The following DRD3 variants were observed in gnomAD, a reference collection of about 807,000 sequenced individuals.
The protein encoded by DRD3 is dopamine receptor D3, also known as D(3) dopamine receptor.
In DRD3, 19 loss-of-function variants were observed where a neutral mutation model predicts 36.3. The ratio of observed to expected loss-of-function variants is 0.52; its 90% CI spans 0.36 to 0.77. The LOEUF is 0.77. Among genes scored for constraint, DRD3 ranks in the 30% least tolerant of loss-of-function variants. DRD3 has a pLI of 0.00. For synonymous variants in DRD3, 195 were observed against 203.7 expected, an observed-to-expected ratio of 0.96 and a Z score of 0.36; for missense variants, 465 against 505.3, an observed-to-expected ratio of 0.92 and a Z score of 0.77.
intron 1 of DRD3, among the ~76,000 whole-genome samples, chr3:114,194,307 G>C (rs1004204049): frequency 6.6e-6 from 1 of 152,088 alleles, no homozygotes; most frequent in Admixed American, 6.6e-5. Flanking sequence ...TTTTGAGACA[G>C]AGTCTCAGTC....
At chr3:114,176,341 T>C (rs1003759083) in intron 1 of DRD3, 50 of 152,366 alleles carry the variant, frequency 3.3e-4, no homozygotes, top group African/African-American at 1.2e-3. Flanking sequence ...CTCATTCCTG[T>C]AATCCCAGCA....
chr3:114,128,726 A>T lies in DRD3; in HGVS notation c.1193T>A (p.Leu398Gln), dbSNP rs1475798401. 1 of 1,599,652 alleles carries T rather than the reference A, an allele frequency of 6.3e-7. No homozygotes were observed. The highest frequency in any genetic ancestry group is 1.1e-5 in the South Asian group (1 of 88,802). ...IEFRKAFLKI[L>Q]SC ...CCCTCTTCTGCTCCCTCAGCAAGAC[A>T]GGATCTTGAGGAAGGCTTTCCGGAA... Residue 398 changes from leucine to glutamine, a missense_variant, in exon 7 of 7, where the codon CTG (leucine) becomes CAG (glutamine). By Grantham distance (113) the Leu-to-Gln change is moderately radical. Coordinates refer to ENST00000383673, the MANE Select transcript of DRD3 (RefSeq NM_000796.6).
intron 5 of DRD3, among the ~76,000 whole-genome samples, chr3:114,137,266 T>C (rs1238719696): frequency 6.6e-6 from 1 of 152,192 alleles, no homozygotes; most frequent in Non-Finnish European, 1.5e-5. Context: ...GTGATGGAAA[T>C]CAGGCCCTTA....
chr3:114,181,411 T>G (rs1341368878), upstream of DRD3, among the ~76,000 whole-genome samples: 8 of 151,896 alleles, frequency 5.3e-5, no homozygotes, highest in Admixed American at 1.3e-4. Context: ...TAGGTGAAGA[T>G]TAGCAATTGC....
At chr3:114,194,728 T>A (rs918729855) in intron 1 of DRD3, among the ~76,000 whole-genome samples, 2 of 152,204 alleles carry the variant, frequency 1.3e-5, no homozygotes, top group African/African-American at 4.8e-5. Flanking sequence ...CCTTTTTCTG[T>A]TACTCTGAAG....
chr3:114,139,786 C>CAG, intron 4 of DRD3, 90 bp from the exon 5 acceptor site: 1 of 1,253,610 alleles, frequency 8.0e-7, no homozygotes, highest in Non-Finnish European at 1.1e-6. Context: ...ACGTGTGGTG[C>CAG]CTGCACTTTC....
At position 114,131,351 on chromosome 3, in the gene DRD3, A is replaced by T; in HGVS notation, c.773T>A (p.Ile258Asn). Reference sequence around the variant, plus strand: ...TCCACCCAAGGCAGTGTCCTGGCAGATGCTGTAGTAACGCTTCAGCTCCAG... The same window carrying T: ...TCCACCCAAGGCAGTGTCCTGGCAGTTGCTGTAGTAACGCTTCAGCTCCAG... Reference protein sequence around the residue: ...AHLELKRYYSICQDTALGGPG... With the variant: ...AHLELKRYYSNCQDTALGGPG... Residue 258 changes from isoleucine (I) to asparagine (N), a missense_variant, in exon 6 of 7, where the codon ATC (isoleucine) becomes AAC (asparagine). Physicochemically the swap from Ile to Asn is moderately radical, Grantham distance 149. Coordinates refer to ENST00000383673, the MANE Select transcript of DRD3 (RefSeq NM_000796.6). 1 of 1,614,196 alleles carries T rather than the reference A, an allele frequency of 6.2e-7. No homozygotes were observed. The highest frequency in any genetic ancestry group is 8.5e-7 in the Non-Finnish European group (1 of 1,180,030).
chr3:114,145,416 A>G lies in DRD3; in HGVS notation c.526+1999T>C, dbSNP rs1366489471. Among the ~76,000 whole-genome samples the G allele has an allele frequency of 3.3e-5, 5 of 152,370 alleles. No individual in the cohort carries two copies. The East Asian group carries it at 7.7e-4, about 23-fold the overall frequency. The stretch of plus-strand genomic sequence containing the variant: ...TATAAAGTGTCATTCAGTTAAAATA[A>G]CAAAGTAATGAAAGGTAAACAGTAA... On this transcript the variant is annotated intron_variant, in intron 4 of 6. Coordinates refer to ENST00000383673, the MANE Select transcript of DRD3 (RefSeq NM_000796.6).
chr3:114,148,724 T>G (rs1298064415), intron 3 of DRD3, among the ~76,000 whole-genome samples: 1 of 152,176 alleles, frequency 6.6e-6, no homozygotes, highest in Non-Finnish European at 1.5e-5. Context: ...ATTTATTTAT[T>G]TATTTTGAGA....
At chr3:114,159,482 A>C (rs1232618435) in intron 3 of DRD3, among the ~76,000 whole-genome samples, 1 of 152,032 alleles carries the variant, frequency 6.6e-6, no homozygotes, top group Non-Finnish European at 1.5e-5. Context: ...AGAAAAAAAA[A>C]ACCCCAAAGG....
chr3:114,186,871 C>G (rs1310838409), intron 1 of DRD3, among the ~76,000 whole-genome samples: 1 of 152,182 alleles, frequency 6.6e-6, no homozygotes, highest in African/African-American at 2.4e-5. Context: ...GAAATCATCC[C>G]CTTTTTTCCA....
intron 1 of DRD3, among the ~76,000 whole-genome samples, chr3:114,174,895 A>C (rs2077882965): frequency 6.6e-6 from 1 of 152,048 alleles, no homozygotes; most frequent in Non-Finnish European, 1.5e-5. Flanking sequence ...GAATTCATTA[A>C]CTCAATCACT....
intron 1 of DRD3, among the ~76,000 whole-genome samples, chr3:114,184,405 G>A (rs912562773): frequency 3.9e-5 from 6 of 152,110 alleles, no homozygotes; most frequent in Admixed American, 3.9e-4. Flanking sequence ...TTACAATAAT[G>A]TTAGCTTTTA....
At chr3:114,151,186 G>T (rs1404925471) in intron 3 of DRD3, among the ~76,000 whole-genome samples, 1 of 152,140 alleles carries the variant, frequency 6.6e-6, no homozygotes, top group Admixed American at 6.6e-5. Context: ...CTCTGCCGGG[G>T]GCTTCTAGTA....
chr3:114,147,466 C>T lies in DRD3; in HGVS notation c.475G>A (p.Val159Ile). Residue 159 changes from valine (V) to isoleucine (I), a missense_variant, in exon 4 of 7, where the codon GTA becomes ATA. Coordinates refer to ENST00000383673, the MANE Select transcript of DRD3 (RefSeq NM_000796.6). ...GGGCAGGACACAGCAAAGGCCAGTA[C>T]CCAGACGGCCGTGATCATGAGGGCC... ...RVALMITAVWVLAFAVSCPLL... is the reference protein window; with the variant it reads ...RVALMITAVWILAFAVSCPLL... 1 of 1,613,912 alleles carries T rather than the reference C, an allele frequency of 6.2e-7. No homozygotes were observed. Among genetic ancestry groups the T allele is most frequent in the Non-Finnish European group, 8.5e-7 (1 of 1,179,986 alleles).
intron 6 of DRD3, among the ~76,000 whole-genome samples, chr3:114,130,745 T>C (rs1441991113): frequency 6.6e-6 from 1 of 152,212 alleles, no homozygotes; most frequent in Non-Finnish European, 1.5e-5. Context: ...GATTTTATCA[T>C]ACCATATCAC....
At chr3:114,178,019 T>C (rs757123602) in intron 1 of DRD3, among the ~76,000 whole-genome samples, 35 of 152,222 alleles carry the variant, frequency 2.3e-4, no homozygotes, top group Non-Finnish European at 4.4e-4. Context: ...ACTAAATGCA[T>C]GAACTGGAAC....
chr3:114,140,688 T>A (rs1323331495), intron 4 of DRD3, among the ~76,000 whole-genome samples: 3 of 152,176 alleles, frequency 2.0e-5, no homozygotes, highest in African/African-American at 7.2e-5. Flanking sequence ...TGCAGCCAGT[T>A]TTATGCCCAA....
At chr3:114,130,480 A>G (rs887793120) in intron 6 of DRD3, among the ~76,000 whole-genome samples, 1 of 144,456 alleles carries the variant, frequency 6.9e-6, no homozygotes, top group African/African-American at 2.6e-5. Context: ...GCTGGAGTGC[A>G]GTGGCGTGAT....
Sources: gnomAD v4.1 joint callset for allele counts (sites outside exome capture counted in the v4.1 genomes callset) on GRCh38, gnomAD v4.1.1 for gene constraint, MANE v1.5 for transcripts, NCBI Gene and HGNC (gene_info 2026-07-23, HGNC 2026-07-21) for gene names.